PCDH15: variants seen among roughly 807,000 people sequenced by gnomAD.
PCDH15 encodes protocadherin-15.
In PCDH15, 129 loss-of-function variants were observed where a neutral mutation model predicts 178.5. The observed-to-expected ratio is 0.72, with a 90% confidence interval of 0.63 to 0.84. The LOEUF (loss-of-function observed/expected upper bound fraction) is 0.84. Ranked by LOEUF, PCDH15 falls within the 40% of genes least tolerant of loss-of-function variation. The probability of loss-of-function intolerance (pLI) is 0.00; values close to 1 mark genes in which losing one functional copy is unlikely to be tolerated. For synonymous variants in PCDH15, 800 were observed against 732.0 expected, an observed-to-expected ratio of 1.09 and a Z score of -1.50; for missense variants, 2,230 against 2,099.9, an observed-to-expected ratio of 1.06 and a Z score of -1.21.
chr10:55,396,183 A>C (rs775300488), intron 2 of PCDH15, among the ~76,000 whole-genome samples: 49 of 152,278 alleles, frequency 3.2e-4, no homozygotes, highest in Admixed American at 4.6e-4. Flanking sequence ...TCTTTGCATC[A>C]GTGGAATTAA....
chr10:53,946,705 A>G (rs1159645680), intron 23 of PCDH15, among the ~76,000 whole-genome samples: 1 of 152,248 alleles, frequency 6.6e-6, no homozygotes, highest in Admixed American at 6.5e-5. Flanking sequence ...AAACCGAAAA[A>G]GTTAACTGCT....
At chr10:54,110,921 A>T (rs1205278594) in intron 15 of PCDH15, among the ~76,000 whole-genome samples, 1 of 152,174 alleles carries the variant, frequency 6.6e-6, no homozygotes, top group African/African-American at 2.4e-5. Flanking sequence ...AATATTCTTT[A>T]CTTTTCAATT....
At chr10:54,090,606 T>G (rs2094584075) in intron 15 of PCDH15, among the ~76,000 whole-genome samples, 1 of 145,692 alleles carries the variant, frequency 6.9e-6, no homozygotes, top group South Asian at 2.1e-4. Flanking sequence ...ATCATGCCAC[T>G]GCACTCCAGC....
intron 2 of PCDH15, among the ~76,000 whole-genome samples, chr10:54,537,121 C>T (rs1436039006): frequency 1.3e-5 from 2 of 150,976 alleles, no homozygotes; most frequent in Non-Finnish European, 2.9e-5. Flanking sequence ...GCCTCAGCCT[C>T]CCGAGTAGCT....
intron 25 of PCDH15, chr10:53,907,340 T>C (rs1013377427): frequency 2.0e-5 from 3 of 152,256 alleles, no homozygotes; most frequent in Non-Finnish European, 4.4e-5. Context: ...AAAAGAAAGA[T>C]ACTAGAAAGA....
chr10:55,429,133 A>G (rs1481266517), intron 2 of PCDH15, among the ~76,000 whole-genome samples: 1 of 152,102 alleles, frequency 6.6e-6, no homozygotes, highest in Non-Finnish European at 1.5e-5. Context: ...TATAATGTGA[A>G]AAATCTGACA....
intron 1 of PCDH15, among the ~76,000 whole-genome samples, chr10:55,240,595 A>T (rs906709493): frequency 6.6e-6 from 1 of 152,178 alleles, no homozygotes; most frequent in African/African-American, 2.4e-5. Context: ...TAAAATAAAT[A>T]GTTTTGAAAG....
chr10:54,458,533 A>T (rs1049168453), intron 3 of PCDH15, among the ~76,000 whole-genome samples: 2 of 152,024 alleles, frequency 1.3e-5, no homozygotes, highest in African/African-American at 4.8e-5. Context: ...GTTATATCAG[A>T]TTACTCAAGT....
intron 2 of PCDH15, among the ~76,000 whole-genome samples, chr10:55,091,982 A>G (rs1347720398): frequency 6.6e-6 from 1 of 151,948 alleles, no homozygotes; most frequent in Non-Finnish European, 1.5e-5. Flanking sequence ...ATAATTTGAT[A>G]TTAAAATATG....
At position 54,346,442 on chromosome 10, in the gene PCDH15, C is replaced by T. The variant is rs1214279337; in HGVS notation, c.517G>A (p.Asp173Asn). The stretch of plus-strand genomic sequence containing the variant: ...TCATCTATATCTGTAGCTCCATTGT[C>T]TCCTGAAAATCCTGTGAATATTGTG... ...GTTIFTGFSGDNGATDIDDGP... is the reference protein window; with the variant it reads ...GTTIFTGFSGNNGATDIDDGP... The change falls in exon 6 of 38, where the codon GAC (aspartate) becomes AAC (asparagine). Residue 173 changes from aspartate (D) to asparagine (N), a missense_variant. By Grantham distance (23) the Asp-to-Asn change is conservative. Coordinates refer to ENST00000644397, the MANE Select transcript of PCDH15 (RefSeq NM_001384140.1). 3.1e-6 allele frequency: 5 copies of T among 1,613,656 alleles called. No homozygotes were observed. Among genetic ancestry groups the T allele is most frequent in the Non-Finnish European group, 4.2e-6 (5 of 1,179,820 alleles).
chr10:54,436,068 AAAG>A (rs1356825836), intron 3 of PCDH15, among the ~76,000 whole-genome samples: 1 of 148,422 alleles, frequency 6.7e-6, no homozygotes, highest in Non-Finnish European at 1.5e-5. Flanking sequence ...AGAAAGAAAG[AAAG>A]AAGGAAGGAA....
intron 2 of PCDH15, among the ~76,000 whole-genome samples, chr10:55,069,716 T>C (rs1216892003): frequency 2.1e-5 from 3 of 144,216 alleles, no homozygotes; most frequent in Non-Finnish European, 4.6e-5. Flanking sequence ...TTTGCTATTG[T>C]GAATAGTGCC....
At chr10:54,181,746 T>C (rs1432629493) in intron 13 of PCDH15, among the ~76,000 whole-genome samples, 2 of 152,196 alleles carry the variant, frequency 1.3e-5, no homozygotes, top group Non-Finnish European at 2.9e-5. Flanking sequence ...TTAAAAAATT[T>C]ACCATAGCAG....
intron 26 of PCDH15, among the ~76,000 whole-genome samples, chr10:53,884,506 T>C (rs546728060): frequency 1.3e-5 from 2 of 152,298 alleles, no homozygotes; most frequent in South Asian, 2.1e-4. Context: ...AAAAACTGAC[T>C]GTACTGAGAA....
intron 2 of PCDH15, among the ~76,000 whole-genome samples, chr10:55,120,500 C>G (rs960572851): frequency 4.6e-5 from 7 of 152,006 alleles, no homozygotes; most frequent in African/African-American, 1.7e-4. Context: ...GGACTGAGAT[C>G]TGGATCATTC....
intron 1 of PCDH15, among the ~76,000 whole-genome samples, chr10:55,222,104 T>C (rs1229312429): frequency 2.0e-5 from 3 of 151,676 alleles, no homozygotes; most frequent in East Asian, 3.9e-4. Flanking sequence ...CTCGAGCTCC[T>C]GACCTTGTGA....
At chr10:55,313,848 A>C (rs1843653248) in intron 1 of PCDH15, among the ~76,000 whole-genome samples, 1 of 152,158 alleles carries the variant, frequency 6.6e-6, no homozygotes, top group South Asian at 2.1e-4. Context: ...TGAGTAAAAC[A>C]AAATGTGTAT....
intron 13 of PCDH15, among the ~76,000 whole-genome samples, chr10:54,169,110 A>G (rs1034410861): frequency 2.6e-5 from 4 of 151,036 alleles, no homozygotes; most frequent in Admixed American, 6.6e-5. Flanking sequence ...TCTGTGTGGG[A>G]CCCCACTGAA....
chr10:53,995,477 C>T lies in PCDH15; in HGVS notation c.2868+172G>A, dbSNP rs2135721. On this transcript the variant is annotated intron_variant, in intron 21 of 37. Coordinates refer to ENST00000644397, the MANE Select transcript of PCDH15 (RefSeq NM_001384140.1). ...TTTGTCTAGGTTCAATAATAGTCAT[C>T]TGAAATATGCTCTGTACCTGTGGAT... is the stretch of plus-strand genomic sequence containing the variant. 0.22 allele frequency: 269,538 copies of T among 1,201,154 alleles called. 33,896 individuals carry two copies. The highest frequency in any genetic ancestry group is 0.51 in the East Asian group (20,037 of 38,988). 74.4% of individuals were successfully genotyped at this position (1,201,154 alleles called of 1,614,324 possible). A position where few individuals can be genotyped will look rare whatever the true frequency, so the allele number is the denominator to read the frequency against.
Sources: gnomAD v4.1 joint callset for allele counts (sites outside exome capture counted in the v4.1 genomes callset) on GRCh38, gnomAD v4.1.1 for gene constraint, MANE v1.5 for transcripts, NCBI Gene and HGNC (gene_info 2026-07-23, HGNC 2026-07-21) for gene names.